UTS2B: variants seen among roughly 807,000 people sequenced by gnomAD.
UTS2B encodes the protein urotensin 2B.
Under a neutral mutation model 19.2 loss-of-function variants are expected in UTS2B, and 21 were observed. The observed-to-expected ratio is 1.09, with a 90% confidence interval of 0.78 to 1.58. UTS2B has a LOEUF of 1.58. UTS2B is among the 40% of genes most tolerant of loss of function. The pLI, the probability that UTS2B is intolerant of heterozygous loss-of-function variation, is 0.00. For missense variants in UTS2B, 138 were observed against 130.3 expected (o/e 1.06, Z -0.29); for synonymous variants, 57 against 50.2 (o/e 1.14, Z -0.58).
chr3:191,334,145 G>A (rs1718070392), upstream of UTS2B, among the ~76,000 whole-genome samples: 1 of 152,002 alleles, frequency 6.6e-6, no homozygotes, highest in African/African-American at 2.4e-5. Context: ...TATCTGCTGT[G>A]TGCCACATGT....
intron 2 of UTS2B, chr3:191,328,175 A>T (rs924610345): frequency 1.3e-5 from 2 of 152,176 alleles, no homozygotes; most frequent in Non-Finnish European, 2.9e-5. Flanking sequence ...CTACTTTTCA[A>T]TGTCAAGTTC....
intron 4 of UTS2B, among the ~76,000 whole-genome samples, chr3:191,291,097 G>T (rs1716700996): frequency 6.6e-6 from 1 of 152,116 alleles, no homozygotes. Flanking sequence ...GTTAACAATG[G>T]CCTGAATTTG....
At chr3:191,316,506 C>G (rs937428631) in intron 2 of UTS2B, 67 bp from the exon 3 acceptor site, 1 of 152,226 alleles carries the variant, frequency 6.6e-6, no homozygotes, top group African/African-American at 2.4e-5. Context: ...CTGCTGCTAG[C>G]TCAGCAGCCT....
intron 3 of UTS2B, among the ~76,000 whole-genome samples, chr3:191,310,270 A>ATTT (rs35657398): frequency 0.029 from 4,253 of 147,126 alleles, 139 homozygotes; most frequent in East Asian, 0.13. Context: ...CCAGCCAGGT[A>ATTT]TTTTTTTTTT....
chr3:191,308,393 A>C (rs996884380), intron 3 of UTS2B, among the ~76,000 whole-genome samples: 1 of 152,214 alleles, frequency 6.6e-6, no homozygotes, highest in Non-Finnish European at 1.5e-5. Flanking sequence ...TCAGTTAGTC[A>C]AAGTAGTATT....
At chr3:191,290,045 C>G (rs940186358) in intron 4 of UTS2B, among the ~76,000 whole-genome samples, 3 of 152,114 alleles carry the variant, frequency 2.0e-5, no homozygotes, top group African/African-American at 7.2e-5. Flanking sequence ...TCATGTTGTA[C>G]ACAATAGATG....
intron 3 of UTS2B, among the ~76,000 whole-genome samples, chr3:191,307,398 C>T (rs1032611224): frequency 6.6e-6 from 1 of 152,134 alleles, no homozygotes; most frequent in African/African-American, 2.4e-5. Flanking sequence ...AAATTATATG[C>T]TATTGCTTTA....
the UTS2B span, among the ~76,000 whole-genome samples, chr3:191,344,004 C>T: frequency 3.4e-4 from 52 of 152,244 alleles, no homozygotes; most frequent in African/African-American, 1.3e-3. Context: ...TCACATTAGG[C>T]CTGAGGAAGA....
intron 4 of UTS2B, among the ~76,000 whole-genome samples, chr3:191,289,339 A>G (rs552872066): frequency 4.0e-4 from 60 of 150,086 alleles, no homozygotes; most frequent in East Asian, 1.7e-3. Flanking sequence ...AACCTGGGAG[A>G]CAGAGCTTGC....
At chr3:191,294,954 C>G (rs13062195) in intron 4 of UTS2B, among the ~76,000 whole-genome samples, 52,361 of 151,670 alleles carry the variant, frequency 0.35, 9,610 homozygotes, top group East Asian at 0.5. Context: ...TCGCTTGATC[C>G]TGGGAGATTG....
the UTS2B span, among the ~76,000 whole-genome samples, chr3:191,342,719 T>C: frequency 1.3e-5 from 2 of 152,176 alleles, no homozygotes; most frequent in African/African-American, 4.8e-5. Context: ...AAAAGTGCCA[T>C]TCAAGTAGTG....
intron 3 of UTS2B, among the ~76,000 whole-genome samples, chr3:191,315,629 G>A (rs1717427233): frequency 6.6e-6 from 1 of 152,172 alleles, no homozygotes; most frequent in African/African-American, 2.4e-5. Context: ...GAGGGCGGAG[G>A]AAAAACAGTT....
intron 3 of UTS2B, among the ~76,000 whole-genome samples, chr3:191,315,674 T>C (rs1385657579): frequency 6.6e-6 from 1 of 152,256 alleles, no homozygotes; most frequent in African/African-American, 2.4e-5. Flanking sequence ...ATGCTACCTA[T>C]TGCCTAGTGC....
At chr3:191,336,903 C>G in the UTS2B span, among the ~76,000 whole-genome samples, 1 of 152,336 alleles carries the variant, frequency 6.6e-6, no homozygotes, top group East Asian at 1.9e-4. Context: ...CTGCAAACTA[C>G]TGCCACTTGT....
chr3:191,311,584 G>T (rs1393636297), intron 3 of UTS2B, among the ~76,000 whole-genome samples: 1 of 152,092 alleles, frequency 6.6e-6, no homozygotes, highest in Non-Finnish European at 1.5e-5. Context: ...TATTCCAACG[G>T]CCTGTTCCAT....
At chr3:191,301,037 T>A (rs1477412186) in intron 4 of UTS2B, among the ~76,000 whole-genome samples, 1 of 152,250 alleles carries the variant, frequency 6.6e-6, no homozygotes, top group Non-Finnish European at 1.5e-5. Context: ...TTGTGTGCAT[T>A]CCATTTTATC....
chr3:191,307,039 A>G (rs1162737330), intron 3 of UTS2B, among the ~76,000 whole-genome samples: 1 of 152,240 alleles, frequency 6.6e-6, no homozygotes, highest in Non-Finnish European at 1.5e-5. Context: ...GGTTACTTAC[A>G]GGAATGAGAG....
At chr3:191,334,266 T>A (rs1718074964), upstream of UTS2B, among the ~76,000 whole-genome samples, 1 of 152,192 alleles carries the variant, frequency 6.6e-6, no homozygotes, top group Non-Finnish European at 1.5e-5. Context: ...TGAATTCATA[T>A]GTGCACCAAA....
intron 4 of UTS2B, among the ~76,000 whole-genome samples, chr3:191,287,054 C>T (rs905534207): frequency 3.3e-5 from 5 of 151,924 alleles, no homozygotes; most frequent in African/African-American, 4.8e-5. Flanking sequence ...AAGATTGAAT[C>T]ATGAGGAAAT....
Sources: allele counts gnomAD v4.1 joint callset (sites outside exome capture counted in the v4.1 genomes callset), GRCh38; gene constraint gnomAD v4.1.1; transcripts MANE v1.5; gene names NCBI Gene and HGNC (gene_info 2026-07-23, HGNC 2026-07-21).